Variants in LINGO2 observed in about 807,000 individuals in gnomAD.
LINGO2 encodes leucine-rich repeat and immunoglobulin-like domain-containing nogo receptor-interacting protein 2.
LINGO2 carries 14 observed loss-of-function variants against 30.6 expected under a neutral mutation model. The ratio of observed to expected loss-of-function variants is 0.46; its 90% CI spans 0.30 to 0.72. LINGO2 has a LOEUF of 0.72. Ranked by LOEUF, LINGO2 falls within the 30% of genes least tolerant of loss-of-function variation. LINGO2 has a pLI of 0.07. For synonymous variants in LINGO2, 317 were observed against 288.5 expected (o/e 1.10, Z -1.00); for missense variants, 729 against 751.7 (o/e 0.97, Z 0.35).
chr9:28,045,980 T>G (rs1254574488), intron 4 of LINGO2, among the ~76,000 whole-genome samples: 4 of 152,158 alleles, frequency 2.6e-5, no homozygotes, highest in African/African-American at 9.7e-5. Context: ...TCCTCATGTG[T>G]CCCTTTGGCA....
chr9:28,249,687 A>C lies in LINGO2; in HGVS notation c.-87+45521T>G, dbSNP rs1028670102. 1.4e-4 allele frequency among the ~76,000 whole-genome samples: 21 copies of C among 152,336 alleles called. No homozygotes were observed. The East Asian group carries it at 3.1e-3, about 22-fold the overall frequency. On this transcript the variant is annotated intron_variant, in intron 4 of 5. Coordinates refer to ENST00000379992, the Ensembl canonical transcript of LINGO2. The stretch of plus-strand genomic sequence containing the variant: ...GGAGAAAATTTTATAGCAATGCTTA[A>C]TGAGACGGCAAGCATGCATGAATAA...
the LINGO2 span, among the ~76,000 whole-genome samples, chr9:28,789,995 G>T: frequency 2.6e-5 from 4 of 152,084 alleles, no homozygotes; most frequent in African/African-American, 9.7e-5. Flanking sequence ...CCTTGCCCAT[G>T]GTTTAACTAT....
chr9:28,356,916 G>T (rs1217072650), intron 3 of LINGO2, among the ~76,000 whole-genome samples: 2 of 124,328 alleles, frequency 1.6e-5, no homozygotes, highest in Non-Finnish European at 3.3e-5. Flanking sequence ...CAGAAATATG[G>T]GGTAGGGGTA....
intron 4 of LINGO2, among the ~76,000 whole-genome samples, chr9:28,280,569 T>C (rs1172697380): frequency 6.6e-6 from 1 of 152,168 alleles, no homozygotes; most frequent in Non-Finnish European, 1.5e-5. Flanking sequence ...GTGTGTTCCA[T>C]TTAAGACAAT....
chr9:28,862,188 A>G, the LINGO2 span, among the ~76,000 whole-genome samples: 1 of 152,110 alleles, frequency 6.6e-6, no homozygotes, highest in African/African-American at 2.4e-5. Context: ...CACCCAACAA[A>G]AGCACAGGAA....
chr9:29,009,090 A>C, the LINGO2 span, among the ~76,000 whole-genome samples: 2 of 152,182 alleles, frequency 1.3e-5, no homozygotes, highest in African/African-American at 2.4e-5. Context: ...CTGAATGGGC[A>C]AAAACTGGAA....
chr9:28,558,468 G>A (rs1030676412), intron 1 of LINGO2, among the ~76,000 whole-genome samples: 16 of 152,120 alleles, frequency 1.1e-4, no homozygotes, highest in African/African-American at 2.9e-4. Context: ...CCAGGCCAGA[G>A]AACCTGTTTT....
intron 4 of LINGO2, among the ~76,000 whole-genome samples, chr9:28,212,589 T>C (rs1209338714): frequency 6.6e-6 from 1 of 151,480 alleles, no homozygotes; most frequent in Non-Finnish European, 1.5e-5. Context: ...CACATGCATA[T>C]ACTGAATGTT....
At chr9:28,401,897 C>CT (rs571804980) in intron 2 of LINGO2, among the ~76,000 whole-genome samples, 4 of 152,074 alleles carry the variant, frequency 2.6e-5, no homozygotes, top group Admixed American at 6.6e-5. Flanking sequence ...TGATGTTGAG[C>CT]TTTTTTTCAT....
chr9:29,070,708 C>CA, the LINGO2 span, among the ~76,000 whole-genome samples: 1 of 149,796 alleles, frequency 6.7e-6, no homozygotes, highest in Non-Finnish European at 1.5e-5. Context: ...ACTCTCTGAA[C>CA]ATTAACTTCA....
chr9:28,381,387 T>C (rs1389392346), intron 2 of LINGO2, among the ~76,000 whole-genome samples: 2 of 151,984 alleles, frequency 1.3e-5, no homozygotes, highest in Admixed American at 1.3e-4. Flanking sequence ...GTTAATATAA[T>C]CATACAGTTT....
chr9:28,156,657 C>A (rs1197257915), intron 4 of LINGO2, among the ~76,000 whole-genome samples: 1 of 152,188 alleles, frequency 6.6e-6, no homozygotes, highest in African/African-American at 2.4e-5. Context: ...CGAGACAAGA[C>A]AAATCCCTTC....
intron 4 of LINGO2, among the ~76,000 whole-genome samples, chr9:28,098,866 G>A (rs1238310212): frequency 6.6e-6 from 1 of 152,160 alleles, no homozygotes; most frequent in Non-Finnish European, 1.5e-5. Context: ...GGATGGTGCT[G>A]ATATGGGAGG....
intron 1 of LINGO2, among the ~76,000 whole-genome samples, chr9:28,507,262 G>T (rs4422858): frequency 4.1e-5 from 6 of 147,272 alleles, no homozygotes; most frequent in Non-Finnish European, 8.9e-5. Flanking sequence ...TGTGTGTGTA[G>T]ATAATTACTC....
chr9:28,271,244 C>T (rs1026645385), intron 4 of LINGO2, among the ~76,000 whole-genome samples: 5 of 151,818 alleles, frequency 3.3e-5, no homozygotes, highest in Non-Finnish European at 7.4e-5. Flanking sequence ...TTTGTATAGG[C>T]AATGTTTTAG....
At position 28,633,310 on chromosome 9, in the gene LINGO2, G is replaced by A. The variant is rs79440130; in HGVS notation, c.-365+36890C>T. On this transcript the variant is annotated intron_variant, in intron 1 of 5. Transcript: ENST00000379992. ...CACTCAGTATTAACTATCACAGAAG[G>A]GGAAAGAGAAGCTGCCTTTATTCCA... Among the ~76,000 whole-genome samples, 1,259 of 152,082 alleles carry A rather than the reference G, an allele frequency of 8.3e-3. 28 individuals carry two copies. Among genetic ancestry groups the A allele is most frequent in the East Asian group, 0.036 (187 of 5,164 alleles).
chr9:29,213,410 C>T, the LINGO2 span, among the ~76,000 whole-genome samples: 31 of 152,314 alleles, frequency 2.0e-4, no homozygotes, highest in African/African-American at 7.2e-4. Flanking sequence ...CACCGTCTCC[C>T]TGGGCTGCTG....
the LINGO2 span, among the ~76,000 whole-genome samples, chr9:29,045,679 G>T: frequency 5.5e-3 from 834 of 151,972 alleles, 9 homozygotes; most frequent in African/African-American, 0.019. Flanking sequence ...GGTCTGTGAA[G>T]AATGTCATCA....
At chr9:28,966,360 T>G in the LINGO2 span, among the ~76,000 whole-genome samples, 1 of 152,162 alleles carries the variant, frequency 6.6e-6, no homozygotes, top group African/African-American at 2.4e-5. Flanking sequence ...ATATTTTTAT[T>G]CCTTAGATGT....
Sources: gnomAD v4.1 joint callset for allele counts (sites outside exome capture counted in the v4.1 genomes callset) on GRCh38, gnomAD v4.1.1 for gene constraint, MANE v1.5 for transcripts, NCBI Gene and HGNC (gene_info 2026-07-23, HGNC 2026-07-21) for gene names.